NKAIN3: variants seen among roughly 807,000 people sequenced by gnomAD.
The protein encoded by NKAIN3 is sodium/potassium transporting ATPase interacting 3.
In NKAIN3, 25 loss-of-function variants were observed where a neutral mutation model predicts 30.2. The ratio of observed to expected loss-of-function variants is 0.83; its 90% CI spans 0.60 to 1.16. NKAIN3 has a LOEUF of 1.16. Ranked by LOEUF, NKAIN3 falls within the 50% of genes most tolerant of loss-of-function variation. The pLI is 0.00. For synonymous variants in NKAIN3, 91 were observed against 89.6 expected, an observed-to-expected ratio of 1.02 and a Z score of -0.09; for missense variants, 225 against 254.1, an observed-to-expected ratio of 0.89 and a Z score of 0.78.
chr8:62,306,570 G>A (rs1463254478), intron 1 of NKAIN3, among the ~76,000 whole-genome samples: 2 of 147,564 alleles, frequency 1.4e-5, no homozygotes, highest in African/African-American at 5.3e-5. Context: ...GTGTGTGTGT[G>A]TGTGTGTTGT....
At chr8:62,895,839 A>T (rs956132841) in intron 4 of NKAIN3, among the ~76,000 whole-genome samples, 1 of 152,002 alleles carries the variant, frequency 6.6e-6, no homozygotes, top group South Asian at 2.1e-4. Flanking sequence ...AACTCCAGCT[A>T]ACTCCCTGGT....
At chr8:62,394,380 A>G (rs1371056905) in intron 1 of NKAIN3, among the ~76,000 whole-genome samples, 1 of 152,026 alleles carries the variant, frequency 6.6e-6, no homozygotes, top group Non-Finnish European at 1.5e-5. Flanking sequence ...ATAATACTAC[A>G]TTTGTTAACC....
At chr8:62,436,470 AT>A (rs1440502725) in intron 1 of NKAIN3, among the ~76,000 whole-genome samples, 1 of 152,098 alleles carries the variant, frequency 6.6e-6, no homozygotes, top group Admixed American at 6.6e-5. Context: ...AAGCTGTCAC[AT>A]TTTTTCTTGT....
At chr8:62,707,965 C>T (rs1814586644) in intron 3 of NKAIN3, among the ~76,000 whole-genome samples, 1 of 152,186 alleles carries the variant, frequency 6.6e-6, no homozygotes, top group South Asian at 2.1e-4. Context: ...TACCGAGCAC[C>T]ATTTGTTGAA....
At chr8:62,912,200 T>C (rs1410119532) in intron 4 of NKAIN3, among the ~76,000 whole-genome samples, 1 of 152,136 alleles carries the variant, frequency 6.6e-6, no homozygotes, top group African/African-American at 2.4e-5. Context: ...AGAAGTACAG[T>C]AAAAATATGG....
intron 3 of NKAIN3, among the ~76,000 whole-genome samples, chr8:62,597,190 G>T (rs535169651): frequency 6.6e-6 from 1 of 152,016 alleles, no homozygotes; most frequent in East Asian, 1.9e-4. Flanking sequence ...AGCTATTCCT[G>T]TTTCTTCTGT....
chr8:62,370,904 G>T (rs558946937), intron 1 of NKAIN3, among the ~76,000 whole-genome samples: 1 of 152,054 alleles, frequency 6.6e-6, no homozygotes, highest in South Asian at 2.1e-4. Flanking sequence ...ACCAATGAAA[G>T]TAGATGCACC....
intron 4 of NKAIN3, among the ~76,000 whole-genome samples, chr8:62,870,262 C>CTATAGATATCTATATA (rs1820576929): frequency 1.3e-5 from 1 of 79,312 alleles, no homozygotes; most frequent in African/African-American, 4.0e-5. Context: ...ATATATATAT[C>CTATAGATATCTATATA]TATATATAGA....
At chr8:62,846,527 G>A (rs1374712729) in intron 4 of NKAIN3, among the ~76,000 whole-genome samples, 1 of 151,790 alleles carries the variant, frequency 6.6e-6, no homozygotes, top group South Asian at 2.1e-4. Flanking sequence ...TCTGCCCCTC[G>A]TGACCATGTG....
intron 2 of NKAIN3, among the ~76,000 whole-genome samples, chr8:62,582,568 T>C (rs1383192): frequency 0.65 from 98,303 of 151,604 alleles, 32,123 homozygotes; most frequent in Non-Finnish European, 0.69. Context: ...GAGACAAGTG[T>C]GAGAGTGAGT....
intron 4 of NKAIN3, among the ~76,000 whole-genome samples, chr8:62,779,036 G>A (rs1017393010): frequency 1.3e-5 from 2 of 151,938 alleles, no homozygotes; most frequent in Admixed American, 6.6e-5. Flanking sequence ...GGGGCCTCAG[G>A]ACTCTGCCAG....
intron 1 of NKAIN3, among the ~76,000 whole-genome samples, chr8:62,297,411 G>A (rs546632269): frequency 2.8e-3 from 426 of 152,012 alleles, no homozygotes; most frequent in Middle Eastern, 0.02. Context: ...GAAAATTTTC[G>A]CAACCTACTC....
intron 1 of NKAIN3, among the ~76,000 whole-genome samples, chr8:62,527,920 A>ATGTGTGTGTGTGT: frequency 2.8e-5 from 3 of 108,336 alleles, no homozygotes; most frequent in Non-Finnish European, 6.4e-5. Context: ...TGTGTGTGAC[A>ATGTGTGTGTGTGT]GAGAGACAGA....
chr8:62,282,529 G>T (rs111721915), intron 1 of NKAIN3, among the ~76,000 whole-genome samples: 4 of 152,122 alleles, frequency 2.6e-5, no homozygotes, highest in African/African-American at 9.7e-5. Context: ...TTCAGGGAGC[G>T]ATCGATCTTT....
intron 1 of NKAIN3, among the ~76,000 whole-genome samples, chr8:62,549,509 G>C (rs1444228982): frequency 3.3e-5 from 5 of 152,074 alleles, no homozygotes; most frequent in Non-Finnish European, 7.4e-5. Context: ...GCTAGTGGCT[G>C]ATAGGATCAC....
At chr8:62,511,751 C>A (rs1807819350) in intron 1 of NKAIN3, among the ~76,000 whole-genome samples, 1 of 152,092 alleles carries the variant, frequency 6.6e-6, no homozygotes. Flanking sequence ...AAATGCTTTT[C>A]TTTGCCTGGA....
intron 4 of NKAIN3, among the ~76,000 whole-genome samples, chr8:62,901,320 G>T (rs1248722153): frequency 6.6e-6 from 1 of 152,164 alleles, no homozygotes; most frequent in Non-Finnish European, 1.5e-5. Context: ...GTACTGAACT[G>T]GGAGCAGTGG....
intron 1 of NKAIN3, among the ~76,000 whole-genome samples, chr8:62,510,944 G>A (rs766272384): frequency 1.3e-5 from 2 of 152,032 alleles, no homozygotes; most frequent in Non-Finnish European, 2.9e-5. Flanking sequence ...TCTGCCCTCT[G>A]TTTCCCACAT....
intron 5 of NKAIN3, among the ~76,000 whole-genome samples, chr8:62,942,396 A>G (rs1271748944): frequency 6.6e-6 from 1 of 151,314 alleles, no homozygotes; most frequent in African/African-American, 2.4e-5. Flanking sequence ...GCACAGATGG[A>G]AACACCCCAT....
Sources: allele counts gnomAD v4.1 joint callset (sites outside exome capture counted in the v4.1 genomes callset), GRCh38; gene constraint gnomAD v4.1.1; transcripts MANE v1.5; gene names NCBI Gene and HGNC (gene_info 2026-07-23, HGNC 2026-07-21).